Variants in BCAS3 observed in about 807,000 individuals in gnomAD.
The protein encoded by BCAS3 is BCAS3 microtubule associated cell migration factor.
A neutral mutation model predicts 116.1 loss-of-function variants in BCAS3; 53 were observed. The ratio of observed to expected loss-of-function variants is 0.46; its 90% CI spans 0.37 to 0.57. The LOEUF (loss-of-function observed/expected upper bound fraction) is 0.57, where lower values mean the gene tolerates loss of function less well. BCAS3 is among the 20% of genes least tolerant of loss of function. BCAS3 has a pLI of 0.00. For missense variants in BCAS3, 917 were observed against 1,165.4 expected (o/e 0.79, Z 3.10); for synonymous variants, 391 against 408.2 (o/e 0.96, Z 0.51).
chr17:61,061,118 TAAG>T (rs1352330917), intron 19 of BCAS3, among the ~76,000 whole-genome samples: 2 of 152,230 alleles, frequency 1.3e-5, no homozygotes, highest in Non-Finnish European at 2.9e-5. Flanking sequence ...AATGATCATT[TAAG>T]AAGATTTTAG....
At chr17:61,038,565 T>C (rs1477394386) in intron 18 of BCAS3, among the ~76,000 whole-genome samples, 2 of 151,990 alleles carry the variant, frequency 1.3e-5, no homozygotes, top group African/African-American at 4.8e-5. Flanking sequence ...TTTCTAGAAT[T>C]TTATATAAAT....
At chr17:60,749,558 A>ATATATAACACCCAAG in intron 6 of BCAS3, among the ~76,000 whole-genome samples, 2 of 152,190 alleles carry the variant, frequency 1.3e-5, no homozygotes, top group Admixed American at 6.5e-5. Context: ...AACTTGTATT[A>ATATATAACACCCAAG]TCTGGGTGTT....
intron 11 of BCAS3, among the ~76,000 whole-genome samples, chr17:60,903,937 C>G (rs999238832): frequency 1.3e-5 from 2 of 152,064 alleles, no homozygotes; most frequent in Non-Finnish European, 2.9e-5. Flanking sequence ...ACATGGGTCA[C>G]GATAGTTTAG....
chr17:61,165,703 A>G (rs1315259275), intron 22 of BCAS3, among the ~76,000 whole-genome samples: 1 of 152,162 alleles, frequency 6.6e-6, no homozygotes. Context: ...ACAAACAAAC[A>G]AACAAAAAAC....
intron 22 of BCAS3, among the ~76,000 whole-genome samples, chr17:61,301,625 T>G (rs2053449270): frequency 1.3e-5 from 2 of 152,170 alleles, no homozygotes; most frequent in Non-Finnish European, 2.9e-5. Context: ...TGAGAGACTC[T>G]GTCTCAAAAA....
At chr17:61,057,140 TAGA>T (rs1462722206) in intron 19 of BCAS3, among the ~76,000 whole-genome samples, 3 of 152,236 alleles carry the variant, frequency 2.0e-5, no homozygotes, top group Non-Finnish European at 4.4e-5. Flanking sequence ...TTGCCATTAA[TAGA>T]AGGCCTGTGC....
At chr17:60,849,228 G>T (rs1384860107) in intron 7 of BCAS3, among the ~76,000 whole-genome samples, 2 of 151,844 alleles carry the variant, frequency 1.3e-5, no homozygotes, top group Admixed American at 6.6e-5. Flanking sequence ...TCTTGAGACA[G>T]AATTTTTTTG....
chr17:61,337,723 A>G lies in BCAS3; in HGVS notation c.2426-30604A>G, dbSNP rs1220660722. ...ACCCCTTAAAGGTCGTTTCTGATCT[A>G]CTCCCTCTCCTCTAGCCTTAAAGTG... On this transcript the variant is annotated intron_variant, in intron 22 of 23. Coordinates refer to ENST00000407086, the MANE Select transcript of BCAS3 (RefSeq NM_017679.5). The surrounding 1 kb of genome is among the most constrained non-coding windows in gnomAD (Gnocchi z 4.8). Among the ~76,000 whole-genome samples the G allele has an allele frequency of 2.0e-5, 3 of 151,084 alleles. No homozygotes were observed. The highest frequency in any genetic ancestry group is 4.9e-5 in the African/African-American group (2 of 40,998).
intron 1 of BCAS3, among the ~76,000 whole-genome samples, chr17:60,678,272 T>C (rs1319549964): frequency 6.6e-6 from 1 of 152,110 alleles, no homozygotes; most frequent in African/African-American, 2.4e-5. Flanking sequence ...GCAGGTATCC[T>C]CTGAGGAGGT....
In BCAS3 at chr17:61,088,519, C is replaced by G. The variant is rs2073268480; in HGVS notation, c.2425+3955C>G. 6.6e-6 allele frequency among the ~76,000 whole-genome samples: 1 copy of G among 152,192 alleles called. No individual in the cohort carries two copies. Among genetic ancestry groups the G allele is most frequent in the East Asian group, 1.9e-4 (1 of 5,192 alleles). On this transcript the variant is annotated intron_variant, in intron 22 of 23. Transcript: ENST00000407086. The surrounding 1 kb of genome is among the most constrained non-coding windows in gnomAD (Gnocchi z 4.2). Reference sequence around the variant, plus strand: ...TTCTTTGTACCTTATAACCTGTGCCCTTCTTTTGATAAAGATGTAGGACCT... The same window carrying G: ...TTCTTTGTACCTTATAACCTGTGCCGTTCTTTTGATAAAGATGTAGGACCT...
Position 61,134,267 on chromosome 17 carries a change from C to T in BCAS3, c.2425+49703C>T, listed in dbSNP as rs906602505. On this transcript the variant is annotated intron_variant, in intron 22 of 23. Transcript: ENST00000407086. This position sits in a 1 kb window ranked among gnomAD's most constrained non-coding sequence, Gnocchi z 4.6. The stretch of plus-strand genomic sequence containing the variant: ...TGAGGATCAATAATAGTAGTGAACA[C>T]TTGTTGATTTTTTAAAAATCAACTG... Among the ~76,000 whole-genome samples the T allele has an allele frequency of 5.9e-5, 9 of 152,168 alleles. No homozygotes were observed. Among genetic ancestry groups the T allele is most frequent in the Non-Finnish European group, 1.3e-4 (9 of 68,016 alleles).
intron 18 of BCAS3, 37 bp from the exon 19 acceptor site, chr17:61,040,755 A>G: frequency 2.0e-6 from 3 of 1,527,512 alleles, no homozygotes; most frequent in Non-Finnish European, 2.7e-6. Flanking sequence ...CCCATCTATT[A>G]AGCTTAAATA....
chr17:61,127,675 T>C (rs2076117236), intron 22 of BCAS3, among the ~76,000 whole-genome samples: 1 of 147,996 alleles, frequency 6.8e-6, no homozygotes, highest in African/African-American at 2.5e-5. Context: ...TACAGCTATC[T>C]TGTATGCCCA....
chr17:60,852,817 A>AT (rs1294650522), intron 7 of BCAS3, among the ~76,000 whole-genome samples: 18 of 152,370 alleles, frequency 1.2e-4, no homozygotes, highest in Admixed American at 1.3e-4. Flanking sequence ...AAGAGGTGGA[A>AT]TAACAGGAAT....
chr17:60,802,295 A>AAAAAAT (rs1299403402), intron 6 of BCAS3, among the ~76,000 whole-genome samples: 1,432 of 127,854 alleles, frequency 0.011, 40 homozygotes, highest in African/African-American at 0.05. Flanking sequence ...AAAAAAAAAA[A>AAAAAAT]ATATATATAT....
chr17:60,901,772 G>A (rs1428514582), intron 10 of BCAS3, among the ~76,000 whole-genome samples: 1 of 152,156 alleles, frequency 6.6e-6, no homozygotes, highest in Non-Finnish European at 1.5e-5. Flanking sequence ...TTTACTTTTT[G>A]TGAGATATAG....
At chr17:60,805,109 A>G (rs1598835668) in intron 6 of BCAS3, among the ~76,000 whole-genome samples, 2 of 151,862 alleles carry the variant, frequency 1.3e-5, no homozygotes, top group Non-Finnish European at 2.9e-5. Context: ...AGTTATCGTT[A>G]TATAAATAAC....
chr17:60,785,917 T>C (rs2046246312), intron 6 of BCAS3, among the ~76,000 whole-genome samples: 1 of 152,206 alleles, frequency 6.6e-6, no homozygotes, highest in African/African-American at 2.4e-5. Flanking sequence ...CAATACAGTG[T>C]AATAACCATT....
rs1423760537 is a variant in BCAS3, at chr17:61,012,849, C to T, written c.1487-2902C>T. Among the ~76,000 whole-genome samples the T allele has an allele frequency of 6.6e-6, 1 of 152,070 alleles. No individual in the cohort carries two copies. Among genetic ancestry groups the T allele is most frequent in the Non-Finnish European group, 1.5e-5 (1 of 67,972 alleles). ...TGAATCACTTCATTTTCCTAGACCACTCCTTTTATCTGTCAAATTCAATGA... is the reference window on the plus strand; with the variant it reads ...TGAATCACTTCATTTTCCTAGACCATTCCTTTTATCTGTCAAATTCAATGA... On this transcript the variant is annotated intron_variant, in intron 15 of 23. Transcript: ENST00000407086. This position sits in a 1 kb window ranked among gnomAD's most constrained non-coding sequence, Gnocchi z 4.5.
Sources: allele counts gnomAD v4.1 joint callset (sites outside exome capture counted in the v4.1 genomes callset), GRCh38; gene constraint gnomAD v4.1.1; non-coding constraint Gnocchi (gnomAD v3.1); transcripts MANE v1.5; gene names NCBI Gene and HGNC (gene_info 2026-07-23, HGNC 2026-07-21).